CELF5: variants seen among roughly 807,000 people sequenced by gnomAD.
CELF5 encodes the protein CUG-BP and ETR-3 like factor 5.
A neutral mutation model predicts 54.9 loss-of-function variants in CELF5; 6 were observed. The ratio of observed to expected loss-of-function variants is 0.11; its 90% CI spans 0.06 to 0.22. The LOEUF (loss-of-function observed/expected upper bound fraction) is 0.22, where lower values mean the gene tolerates loss of function less well. Ranked by LOEUF, CELF5 falls within the 10% of genes least tolerant of loss-of-function variation. The pLI is 1.00. For synonymous variants in CELF5, 271 were observed against 290.9 expected (o/e 0.93, Z 0.70); for missense variants, 401 against 678.6 (o/e 0.59, Z 4.54).
intron 10 of CELF5, among the ~76,000 whole-genome samples, chr19:3,289,636 C>G (rs891654082): frequency 1.5e-5 from 2 of 130,080 alleles, no homozygotes; most frequent in Non-Finnish European, 3.1e-5. Flanking sequence ...GAGCCGAGAT[C>G]GCACCACTGC....
At chr19:3,291,527 G>T (rs553984467) in intron 11 of CELF5, among the ~76,000 whole-genome samples, 1 of 145,834 alleles carries the variant, frequency 6.9e-6, no homozygotes, top group South Asian at 2.2e-4. Flanking sequence ...AGCCGAGATC[G>T]TGCCATTGTA....
intron 2 of CELF5, among the ~76,000 whole-genome samples, chr19:3,254,711 C>A (rs898391004): frequency 2.0e-5 from 3 of 151,670 alleles, no homozygotes; most frequent in Non-Finnish European, 4.4e-5. Context: ...ACACATCCAT[C>A]CATCTACCAT....
chr19:3,237,597 T>G (rs1047926065), intron 1 of CELF5, among the ~76,000 whole-genome samples: 36 of 152,192 alleles, frequency 2.4e-4, no homozygotes, highest in African/African-American at 7.7e-4. Flanking sequence ...TAGCATGTAA[T>G]GAGCAGTGAG....
chr19:3,283,306 C>T (rs939121657), intron 8 of CELF5, among the ~76,000 whole-genome samples: 8 of 152,126 alleles, frequency 5.3e-5, no homozygotes, highest in Non-Finnish European at 8.8e-5. Flanking sequence ...TGTCTTTCCA[C>T]CATGTAGGAG....
intron 2 of CELF5, among the ~76,000 whole-genome samples, chr19:3,271,476 G>A (rs536810604): frequency 2.0e-5 from 3 of 152,288 alleles, no homozygotes; most frequent in Admixed American, 2.0e-4. Flanking sequence ...TGAGGGTGCG[G>A]CTGGGCGGCA....
intron 11 of CELF5, among the ~76,000 whole-genome samples, chr19:3,291,527 G>A (rs553984467): frequency 4.9e-4 from 72 of 145,834 alleles, no homozygotes; most frequent in Non-Finnish European, 8.4e-4. Context: ...AGCCGAGATC[G>A]TGCCATTGTA....
Position 3,281,163 on chromosome 19 carries a change from G to A in CELF5, c.604-36G>A, listed in dbSNP as rs2080144143. Reference sequence around the variant, plus strand: ...ACCCCAGAGTCCTGGCTACCTCCCAGCCCGTTTCCCTCCCTGCTCGCCGCT... The same window carrying A: ...ACCCCAGAGTCCTGGCTACCTCCCAACCCGTTTCCCTCCCTGCTCGCCGCT... On this transcript the variant is annotated intron_variant, in intron 5 of 12. Transcript: ENST00000292672. This position sits in a 1 kb window ranked among gnomAD's most constrained non-coding sequence, Gnocchi z 6.5. 6.3e-7 allele frequency: 1 copy of A among 1,591,562 alleles called. No individual in the cohort carries two copies. The highest frequency in any genetic ancestry group is 1.7e-5 in the Admixed American group (1 of 59,772).
chr19:3,263,193 G>A (rs1295575595), intron 2 of CELF5, among the ~76,000 whole-genome samples: 2 of 148,426 alleles, frequency 1.3e-5, no homozygotes, highest in Non-Finnish European at 3.0e-5. Flanking sequence ...TTTGCGGTGA[G>A]CCGAGATCAC....
At chr19:3,270,347 T>G (rs1599449328) in intron 2 of CELF5, among the ~76,000 whole-genome samples, 1 of 145,824 alleles carries the variant, frequency 6.9e-6, no homozygotes, top group African/African-American at 2.6e-5. Context: ...CCAGAGAAGG[T>G]GGAGGAGGGA....
chr19:3,256,009 G>C (rs1024364911), intron 2 of CELF5, among the ~76,000 whole-genome samples: 1 of 148,236 alleles, frequency 6.7e-6, no homozygotes, highest in Non-Finnish European at 1.5e-5. Flanking sequence ...AGGTTGCAGT[G>C]AGCCAAGATC....
intron 2 of CELF5, among the ~76,000 whole-genome samples, chr19:3,257,881 C>T (rs1006040253): frequency 2.6e-5 from 4 of 151,396 alleles, no homozygotes; most frequent in Non-Finnish European, 4.4e-5. Flanking sequence ...TGCAGTGGTG[C>T]GATCATAGCT....
chr19:3,238,108 C>T (rs112646877), intron 1 of CELF5, among the ~76,000 whole-genome samples: 23,326 of 151,882 alleles, frequency 0.15, 2,031 homozygotes, highest in East Asian at 0.24. Flanking sequence ...AATCCCAGCA[C>T]TTTGGGAGGC....
intron 1 of CELF5, among the ~76,000 whole-genome samples, chr19:3,237,551 G>A (rs557941305): frequency 6.6e-6 from 1 of 152,218 alleles, no homozygotes; most frequent in Non-Finnish European, 1.5e-5. Context: ...CGTGGCGCGG[G>A]TGGGAGTGTC....
intron 1 of CELF5, among the ~76,000 whole-genome samples, chr19:3,250,623 C>T (rs1203024204): frequency 6.6e-6 from 1 of 152,184 alleles, no homozygotes; most frequent in African/African-American, 2.4e-5. Context: ...CCATGATACA[C>T]TCAGTCCTCA....
Position 3,285,928 on chromosome 19 carries a change from TC to T in CELF5, c.1103-12del, listed in dbSNP as rs769538558. On this transcript the variant is annotated splice_polypyrimidine_tract_variant and intron_variant, in intron 9 of 12. Transcript: ENST00000292672. Reference sequence around the variant, plus strand: ...CGCCCCTCCTCGCCCTGTGTCTCGCTCCGGTCTCCGCAGCCATGTACCCCAC... The same window carrying T: ...CGCCCCTCCTCGCCCTGTGTCTCGCTCGGTCTCCGCAGCCATGTACCCCAC... 18 of 1,551,096 alleles carry T rather than the reference TC, an allele frequency of 1.2e-5. No homozygotes were observed. In the South Asian group the frequency reaches 2.1e-4, roughly 18 times the overall value.
At chr19:3,292,193 C>T (rs970499792) in intron 11 of CELF5, among the ~76,000 whole-genome samples, 7 of 151,846 alleles carry the variant, frequency 4.6e-5, no homozygotes, top group Admixed American at 1.3e-4. Context: ...GTGATCCACC[C>T]GCCTCGGCCT....
In CELF5 at chr19:3,250,967, C is replaced by T; in HGVS notation, c.260-18C>T. On this transcript the variant is annotated intron_variant, in intron 1 of 12. Coordinates refer to ENST00000292672, the MANE Select transcript of CELF5 (RefSeq NM_021938.4). ...TGTGCCCGTGCTCTCTTAACACCCCCGTTTCTCTCCCTTCCAGGCTGTGCC... is the reference window on the plus strand; with the variant it reads ...TGTGCCCGTGCTCTCTTAACACCCCTGTTTCTCTCCCTTCCAGGCTGTGCC... The T allele has an allele frequency of 6.2e-7, 1 of 1,605,028 alleles. No homozygotes were observed. The highest frequency in any genetic ancestry group is 2.2e-5 in the East Asian group (1 of 44,842).
At chr19:3,233,370 G>A (rs528568531) in intron 1 of CELF5, among the ~76,000 whole-genome samples, 41 of 152,306 alleles carry the variant, frequency 2.7e-4, no homozygotes, top group African/African-American at 8.7e-4. Context: ...AGCAATTCAG[G>A]GGGTAGGAGA....
At chr19:3,227,048 CT>C (rs1270165453) in intron 1 of CELF5, among the ~76,000 whole-genome samples, 1 of 152,150 alleles carries the variant, frequency 6.6e-6, no homozygotes, top group Non-Finnish European at 1.5e-5. Flanking sequence ...TCACCCTCCA[CT>C]TTTTAGGGGT....
Sources: allele counts gnomAD v4.1 joint callset (sites outside exome capture counted in the v4.1 genomes callset), GRCh38; gene constraint gnomAD v4.1.1; non-coding constraint Gnocchi (gnomAD v3.1); transcripts MANE v1.5; gene names NCBI Gene and HGNC (gene_info 2026-07-23, HGNC 2026-07-21).